The following SPAG16 variants were observed in gnomAD, a reference collection of about 807,000 sequenced individuals.
The protein encoded by SPAG16 is sperm associated antigen 16.
A neutral mutation model predicts 80.4 loss-of-function variants in SPAG16; 86 were observed. That is an observed-to-expected ratio of 1.07 (90% confidence interval 0.90 to 1.28). The LOEUF is 1.28. Among genes scored for constraint, SPAG16 ranks in the 50% most tolerant of loss-of-function variants. The probability of loss-of-function intolerance (pLI) is 0.00; values close to 1 mark genes in which losing one functional copy is unlikely to be tolerated. For missense variants in SPAG16, 870 were observed against 765.3 expected (o/e 1.14, Z -1.61); for synonymous variants, 294 against 265.9 (o/e 1.11, Z -1.03).
At chr2:213,516,902 T>A (rs1370324048) in intron 10 of SPAG16, among the ~76,000 whole-genome samples, 2 of 152,214 alleles carry the variant, frequency 1.3e-5, no homozygotes, top group East Asian at 3.8e-4. Context: ...AATGAATTTA[T>A]TTAATTCACT....
At position 214,013,959 on chromosome 2, in the gene SPAG16, G is replaced by C; in HGVS notation, c.1409G>C (p.Cys470Ser). ...AATTTCTCTCTTTATAGTGAAAGAT[G>C]CAGATGTACTTTGTATGGACATACA... ...SKIWDVNSER[C>S]RCTLYGHTDS... The change falls in exon 13 of 16, where the codon TGC becomes TCC. Residue 470 changes from cysteine to serine, a missense_variant. By Grantham distance (112) the Cys-to-Ser change is moderately radical. Transcript: ENST00000331683. 6.2e-7 allele frequency: 1 copy of C among 1,613,062 alleles called. No homozygotes were observed. The highest frequency in any genetic ancestry group is 8.5e-7 in the Non-Finnish European group (1 of 1,179,486).
intron 9 of SPAG16, among the ~76,000 whole-genome samples, chr2:213,459,149 A>C (rs1486334574): frequency 6.6e-6 from 1 of 152,052 alleles, no homozygotes. Flanking sequence ...TCTTTGGATT[A>C]GTCTTCCAGT....
chr2:213,357,799 A>G (rs1575345734), intron 7 of SPAG16, among the ~76,000 whole-genome samples: 2 of 152,172 alleles, frequency 1.3e-5, no homozygotes, highest in Non-Finnish European at 2.9e-5. Flanking sequence ...TCCTGTCATT[A>G]TGATGTTCGC....
chr2:213,476,151 T>C (rs370688811), intron 9 of SPAG16, among the ~76,000 whole-genome samples: 2 of 152,222 alleles, frequency 1.3e-5, no homozygotes, highest in Non-Finnish European at 2.9e-5. Flanking sequence ...CTTTTTGGCT[T>C]GCAAAAACAC....
chr2:214,203,300 G>C (rs555223104), intron 15 of SPAG16, among the ~76,000 whole-genome samples: 2 of 152,184 alleles, frequency 1.3e-5, no homozygotes, highest in African/African-American at 4.8e-5. Flanking sequence ...GTTGAAGGGG[G>C]GAAATGGCAG....
At chr2:214,199,204 CG>C (rs1559123618) in intron 15 of SPAG16, among the ~76,000 whole-genome samples, 1 of 151,952 alleles carries the variant, frequency 6.6e-6, no homozygotes, top group Non-Finnish European at 1.5e-5. Context: ...AGAGTTTTTC[CG>C]ATGTTAACTT....
Position 213,676,712 on chromosome 2 carries a change from C to T in SPAG16, c.1071-185773C>T, listed in dbSNP as rs543871249. Among the ~76,000 whole-genome samples the T allele has an allele frequency of 4.9e-3, 740 of 151,292 alleles. 4 individuals are homozygous for T. Among genetic ancestry groups the T allele is most frequent in the African/African-American group, 0.016 (673 of 41,102 alleles). ...ATTGATTTGCGTATATTGAACCAGCCTTGCATCCCAGGGATGAAGCCCACT... is the reference window on the plus strand; with the variant it reads ...ATTGATTTGCGTATATTGAACCAGCTTTGCATCCCAGGGATGAAGCCCACT... On this transcript the variant is annotated intron_variant, in intron 10 of 15. Coordinates refer to ENST00000331683, the MANE Select transcript of SPAG16 (RefSeq NM_024532.5).
chr2:213,862,459 A>G (rs1410539192), intron 10 of SPAG16, 26 bp from the exon 11 acceptor site: 1 of 1,610,092 alleles, frequency 6.2e-7, no homozygotes, highest in East Asian at 2.2e-5. Context: ...TCTCCCCATA[A>G]CTCTTTTTTC....
intron 15 of SPAG16, among the ~76,000 whole-genome samples, chr2:214,191,591 C>G (rs1255696766): frequency 6.6e-6 from 1 of 151,028 alleles, no homozygotes; most frequent in Non-Finnish European, 1.5e-5. Flanking sequence ...GTGCATGCCC[C>G]TAATCACAGC....
At chr2:214,376,106 AAAG>A (rs1349655655) in intron 15 of SPAG16, among the ~76,000 whole-genome samples, 8 of 152,278 alleles carry the variant, frequency 5.3e-5, no homozygotes, top group South Asian at 4.1e-4. Context: ...TTTAGATAAA[AAAG>A]AAGAAGGAAT....
At chr2:214,335,752 A>ATT (rs1697237330) in intron 15 of SPAG16, among the ~76,000 whole-genome samples, 1 of 107,308 alleles carries the variant, frequency 9.3e-6, no homozygotes, top group African/African-American at 3.6e-5. Flanking sequence ...TATTATTAGG[A>ATT]TTCTTTTTTT....
At chr2:214,207,680 T>C (rs1484911200) in intron 15 of SPAG16, among the ~76,000 whole-genome samples, 1 of 152,226 alleles carries the variant, frequency 6.6e-6, no homozygotes, top group Admixed American at 6.5e-5. Context: ...TGGGTGTGTC[T>C]GTGAGGGTGT....
At chr2:214,134,243 C>T (rs1388196594) in intron 14 of SPAG16, among the ~76,000 whole-genome samples, 3 of 152,126 alleles carry the variant, frequency 2.0e-5, no homozygotes, top group Admixed American at 6.6e-5. Flanking sequence ...TTACTGTTAG[C>T]GCTTCTGCCT....
chr2:214,118,218 T>C (rs1009648318), intron 14 of SPAG16, among the ~76,000 whole-genome samples: 1 of 152,082 alleles, frequency 6.6e-6, no homozygotes, highest in Non-Finnish European at 1.5e-5. Flanking sequence ...CCAAAAAAGA[T>C]ATGACAAAGA....
chr2:213,629,852 G>A (rs2062081465), intron 10 of SPAG16, among the ~76,000 whole-genome samples: 1 of 152,150 alleles, frequency 6.6e-6, no homozygotes, highest in Non-Finnish European at 1.5e-5. Context: ...AAGCTGCTGT[G>A]TCTCCTTCCT....
At chr2:213,890,354 G>T (rs1015597428) in intron 11 of SPAG16, among the ~76,000 whole-genome samples, 1 of 151,890 alleles carries the variant, frequency 6.6e-6, no homozygotes, top group Non-Finnish European at 1.5e-5. Context: ...TGTATTTTTC[G>T]TGACATTCAA....
At chr2:213,419,043 A>G (rs1270013156) in intron 9 of SPAG16, among the ~76,000 whole-genome samples, 1 of 152,206 alleles carries the variant, frequency 6.6e-6, no homozygotes, top group Non-Finnish European at 1.5e-5. Context: ...TATGGTAGGA[A>G]TAGAGAGAGT....
intron 10 of SPAG16, among the ~76,000 whole-genome samples, chr2:213,575,683 A>T (rs2060099742): frequency 6.6e-6 from 1 of 152,106 alleles, no homozygotes; most frequent in African/African-American, 2.4e-5. Flanking sequence ...TTATATTTTT[A>T]TTCATTCAAT....
chr2:213,679,023 C>T (rs2064244076), intron 10 of SPAG16, among the ~76,000 whole-genome samples: 1 of 152,074 alleles, frequency 6.6e-6, no homozygotes, highest in African/African-American at 2.4e-5. Flanking sequence ...TTCCTGGTTC[C>T]CACCTCTCAG....
Sources: allele counts gnomAD v4.1 joint callset (sites outside exome capture counted in the v4.1 genomes callset), GRCh38; gene constraint gnomAD v4.1.1; transcripts MANE v1.5; gene names NCBI Gene and HGNC (gene_info 2026-07-23, HGNC 2026-07-21).